ARID4A: variants seen among roughly 807,000 people sequenced by gnomAD.
The protein encoded by ARID4A is AT-rich interaction domain 4A.
Under a neutral mutation model 148.6 loss-of-function variants are expected in ARID4A, and 39 were observed. The observed-to-expected ratio is 0.26, with a 90% CI of 0.20 to 0.34. The LOEUF is 0.34. Ranked by LOEUF, ARID4A falls within the 10% of genes least tolerant of loss-of-function variation. The pLI is 1.00. For synonymous variants in ARID4A, 475 were observed against 481.2 expected, an observed-to-expected ratio of 0.99 and a Z score of 0.17; for missense variants, 1,265 against 1,449.1, an observed-to-expected ratio of 0.87 and a Z score of 2.06.
chr14:58,348,376 G>A (rs935961790), intron 15 of ARID4A, among the ~76,000 whole-genome samples: 9 of 152,120 alleles, frequency 5.9e-5, no homozygotes, highest in Admixed American at 2.6e-4. Flanking sequence ...AATAGTGCCT[G>A]GCACATAATA....
intron 19 of ARID4A, among the ~76,000 whole-genome samples, chr14:58,362,756 C>T (rs749036216): frequency 3.3e-5 from 5 of 152,096 alleles, no homozygotes; most frequent in Non-Finnish European, 4.4e-5. Context: ...TAGGGTTTTA[C>T]TATGTTAGCC....
chr14:58,308,833 T>C (rs1043504401), intron 5 of ARID4A, among the ~76,000 whole-genome samples: 2 of 152,198 alleles, frequency 1.3e-5, no homozygotes, highest in African/African-American at 4.8e-5. Context: ...TTATGACGTG[T>C]GTTACCTTTT....
intron 8 of ARID4A, among the ~76,000 whole-genome samples, chr14:58,323,832 T>C (rs1334105763): frequency 6.6e-6 from 1 of 151,848 alleles, no homozygotes; most frequent in African/African-American, 2.4e-5. Flanking sequence ...TTGAGCTCTT[T>C]TATATTTCTT....
chr14:58,305,030 A>G (rs769192639), intron 4 of ARID4A, 21 bp downstream of exon 4: 26 of 1,548,242 alleles, frequency 1.7e-5, no homozygotes, highest in South Asian at 1.0e-4. Context: ...TGTACGGTTT[A>G]AAATCTGAAA....
chr14:58,372,186 G>T lies in ARID4A; in HGVS notation c.*197G>T. ...AAAAATAAGCTGATTAATAAGTGAA[G>T]GTTAAGCAGCCTGCCATATTTGTCA... On this transcript the variant is annotated 3_prime_UTR_variant, in exon 24 of 24. Coordinates refer to ENST00000355431, the MANE Select transcript of ARID4A (RefSeq NM_002892.4). 2.1e-6 allele frequency: 1 copy of T among 472,304 alleles called. No individual in the cohort carries two copies. Among genetic ancestry groups the T allele is most frequent in the Non-Finnish European group, 3.7e-6 (1 of 266,818 alleles). 29.3% of individuals were successfully genotyped at this position (472,304 alleles called of 1,614,324 possible).
chr14:58,311,044 G>C (rs566687715), intron 5 of ARID4A, among the ~76,000 whole-genome samples: 1 of 152,100 alleles, frequency 6.6e-6, no homozygotes, highest in Admixed American at 6.5e-5. Flanking sequence ...TCAGAAGTTC[G>C]AGACCAGCCT....
Position 58,359,199 on chromosome 14 carries a change from C to G in ARID4A, c.1921C>G (p.Gln641Glu). The G allele has an allele frequency of 6.5e-7, 1 of 1,544,504 alleles. No individual in the cohort carries two copies. The highest frequency in any genetic ancestry group is 8.7e-7 in the Non-Finnish European group (1 of 1,150,124). The stretch of plus-strand genomic sequence containing the variant: ...GGACAAAGGTGGACCAAAGAAAAAA[C>G]AGAAGAAAAAAGCTAAAGTATGTTT... ...PLDKGGPKKK[Q>E]KKKAKNKEDS... The change falls in exon 18 of 24, where the codon CAG (glutamine) becomes GAG (glutamate). Residue 641 changes from glutamine (Q) to glutamate (E), a missense_variant. Coordinates refer to ENST00000355431, the MANE Select transcript of ARID4A (RefSeq NM_002892.4).
At position 58,364,306 on chromosome 14, in the gene ARID4A, T is replaced by C; in HGVS notation, c.2217T>C (p.Ile739=). The stretch of plus-strand genomic sequence containing the variant: ...AGCTAGATGAAGAAAATCCAAAGAT[T>C]TCTGCACATATATTAAAAGAAAATG... ...DDKLDEENPK[I]SAHILKENDR... The change falls in exon 20 of 24, where the codon ATT becomes ATC. Residue 739 remains isoleucine, a synonymous_variant. Transcript: ENST00000355431. 6.4e-7 allele frequency: 1 copy of C among 1,568,118 alleles called. No homozygotes were observed. Among genetic ancestry groups the C allele is most frequent in the Non-Finnish European group, 8.6e-7 (1 of 1,166,950 alleles).
chr14:58,330,741 A>G (rs2033474471), intron 11 of ARID4A, among the ~76,000 whole-genome samples: 1 of 152,220 alleles, frequency 6.6e-6, no homozygotes, highest in Non-Finnish European at 1.5e-5. Context: ...AATTTGATAA[A>G]TCATAGAAAA....
In ARID4A at chr14:58,347,644, T is replaced by C. The variant is rs762892800; in HGVS notation, c.1173-3T>C. 4.5e-6 allele frequency: 7 copies of C among 1,553,848 alleles called. No homozygotes were observed. The highest frequency in any genetic ancestry group is 1.2e-5 in the South Asian group (1 of 81,164). On this transcript the variant is annotated splice_region_variant and splice_polypyrimidine_tract_variant and intron_variant, in intron 14 of 23. Transcript: ENST00000355431. ...TTTCTTAAATGAAATATTGTTTGTT[T>C]AGGTATCTCTATGGTTTTGAGGAGT...
intron 17 of ARID4A, among the ~76,000 whole-genome samples, chr14:58,354,499 ATAGT>A (rs1207953907): frequency 2.6e-5 from 4 of 152,050 alleles, no homozygotes; most frequent in African/African-American, 7.2e-5. Flanking sequence ...ACCTGGCAAC[ATAGT>A]TAGACCCCCA....
At chr14:58,314,370 A>G (rs74055620) in intron 5 of ARID4A, among the ~76,000 whole-genome samples, 2,676 of 152,304 alleles carry the variant, frequency 0.018, 93 homozygotes, top group African/African-American at 0.06. Context: ...GAGCTTCTTC[A>G]TGGTTTTGAT....
In ARID4A at chr14:58,329,568, C is replaced by A; in HGVS notation, c.703C>A (p.Leu235Ile). The part of the protein sequence containing the change: ...ARKDIKEVDI[L>I]NLPESELSTK... The stretch of plus-strand genomic sequence containing the variant: ...AAAGGACATTAAGGAAGTAGACATT[C>A]TCAATCTACCGGAATCTGAGCTCTC... The change falls in exon 10 of 24, where the codon CTC becomes ATC. Residue 235 changes from leucine (L) to isoleucine (I), a missense_variant. Leu to Ile is a conservative substitution (Grantham distance 5). Around this residue, in one of 9 missense-constraint regions of ARID4A, gnomAD observed 249 missense variants for 277.2 expected, o/e 0.90. Coordinates refer to ENST00000355431, the MANE Select transcript of ARID4A (RefSeq NM_002892.4). 1 of 1,607,414 alleles carries A rather than the reference C, an allele frequency of 6.2e-7. No individual in the cohort carries two copies. Among genetic ancestry groups the A allele is most frequent in the Non-Finnish European group, 8.5e-7 (1 of 1,174,186 alleles).
intron 11 of ARID4A, among the ~76,000 whole-genome samples, chr14:58,341,622 G>C (rs1193715835): frequency 1.3e-5 from 2 of 152,178 alleles, no homozygotes; most frequent in Non-Finnish European, 2.9e-5. Flanking sequence ...TTAATCCACA[G>C]TGCTTTTGAA....
intron 16 of ARID4A, among the ~76,000 whole-genome samples, chr14:58,352,884 C>T (rs923432687): frequency 6.6e-6 from 1 of 151,988 alleles, no homozygotes; most frequent in Non-Finnish European, 1.5e-5. Context: ...GTTAATCTTC[C>T]TTATACCTGA....
At chr14:58,303,458 A>G (rs2031355667) in intron 3 of ARID4A, 10 of 455,202 alleles carry the variant, frequency 2.2e-5, no homozygotes, top group Non-Finnish European at 4.6e-5. Flanking sequence ...TGCCAGTCAT[A>G]AAATTATTGT....
intron 12 of ARID4A, among the ~76,000 whole-genome samples, chr14:58,345,109 C>G (rs543529366): frequency 6.6e-6 from 1 of 152,048 alleles, no homozygotes; most frequent in East Asian, 1.9e-4. Context: ...AAACTCCTGG[C>G]CTCAAGTGAT....
At chr14:58,318,891 T>G in intron 7 of ARID4A, 86 bp downstream of exon 7, 4 of 1,097,648 alleles carry the variant, frequency 3.6e-6, no homozygotes, top group Non-Finnish European at 5.4e-6. Flanking sequence ...TAAATTCATT[T>G]GGGTAAGCTT....
At chr14:58,330,807 A>G (rs2033477017) in intron 11 of ARID4A, among the ~76,000 whole-genome samples, 1 of 152,216 alleles carries the variant, frequency 6.6e-6, no homozygotes, top group Non-Finnish European at 1.5e-5. Flanking sequence ...TTGCCATGTC[A>G]TTTATAATAT....
Sources: gnomAD v4.1 joint callset for allele counts (sites outside exome capture counted in the v4.1 genomes callset) on GRCh38, gnomAD v4.1.1 for gene constraint, gnomAD v4.1.1 regional missense constraint, MANE v1.5 for transcripts, NCBI Gene and HGNC (gene_info 2026-07-23, HGNC 2026-07-21) for gene names.